Variants in SLC2A13 observed in about 807,000 individuals in gnomAD.
SLC2A13 encodes proton myo-inositol cotransporter.
In SLC2A13, 32 loss-of-function variants were observed where a neutral mutation model predicts 64.4. That is an observed-to-expected ratio of 0.50 (90% confidence interval 0.37 to 0.67). SLC2A13 has a LOEUF of 0.67. SLC2A13 is among the 30% of genes least tolerant of loss of function. The pLI is 0.00. For synonymous variants in SLC2A13, 338 were observed against 327.1 expected (o/e 1.03, Z -0.36); for missense variants, 743 against 829.2 (o/e 0.90, Z 1.28).
chr12:40,098,302 A>C (rs1419150435), intron 1 of SLC2A13, among the ~76,000 whole-genome samples: 1 of 152,160 alleles, frequency 6.6e-6, no homozygotes, highest in Non-Finnish European at 1.5e-5. Flanking sequence ...AATCATAGAA[A>C]CAGAAGGTAG....
At chr12:40,010,581 C>T (rs536338554) in intron 3 of SLC2A13, among the ~76,000 whole-genome samples, 1 of 152,160 alleles carries the variant, frequency 6.6e-6, no homozygotes, top group South Asian at 2.1e-4. Flanking sequence ...ATATAGAATC[C>T]ATCTAATTTT....
intron 3 of SLC2A13, among the ~76,000 whole-genome samples, chr12:39,970,609 T>C (rs1946630236): frequency 6.6e-6 from 1 of 152,216 alleles, no homozygotes; most frequent in South Asian, 2.1e-4. Context: ...CCCAAGTCCT[T>C]AGGTAATTCT....
At chr12:40,088,850 C>CA (rs940762550) in intron 1 of SLC2A13, among the ~76,000 whole-genome samples, 1 of 151,840 alleles carries the variant, frequency 6.6e-6, no homozygotes, top group Non-Finnish European at 1.5e-5. Context: ...TTTTTAACAA[C>CA]AAAAAAATTG....
At chr12:40,010,223 A>G (rs915686575) in intron 3 of SLC2A13, among the ~76,000 whole-genome samples, 3 of 152,238 alleles carry the variant, frequency 2.0e-5, no homozygotes, top group Non-Finnish European at 4.4e-5. Flanking sequence ...AATAAGGAAC[A>G]TTATTCAGAG....
intron 1 of SLC2A13, among the ~76,000 whole-genome samples, chr12:40,089,601 T>C (rs990590270): frequency 6.6e-6 from 1 of 152,188 alleles, no homozygotes; most frequent in Non-Finnish European, 1.5e-5. Context: ...AAGGTCACCC[T>C]GCACCTTACA....
At chr12:39,770,358 G>A (rs1011534860) in intron 7 of SLC2A13, among the ~76,000 whole-genome samples, 1 of 152,056 alleles carries the variant, frequency 6.6e-6, no homozygotes, top group East Asian at 1.9e-4. Context: ...TGACTACAAC[G>A]AAATGACCTC....
intron 6 of SLC2A13, among the ~76,000 whole-genome samples, chr12:39,857,560 C>T (rs767400170): frequency 1.3e-5 from 2 of 152,180 alleles, no homozygotes; most frequent in Non-Finnish European, 2.9e-5. Flanking sequence ...ACCTTTCTCC[C>T]TTCATCACCA....
chr12:39,809,484 C>G (rs1395436987), intron 7 of SLC2A13, among the ~76,000 whole-genome samples: 3 of 152,106 alleles, frequency 2.0e-5, no homozygotes, highest in Non-Finnish European at 4.4e-5. Context: ...TAGAGATCAA[C>G]TTAAAAGGAA....
At chr12:39,990,858 A>G (rs1947124874) in intron 3 of SLC2A13, among the ~76,000 whole-genome samples, 1 of 152,116 alleles carries the variant, frequency 6.6e-6, no homozygotes, top group African/African-American at 2.4e-5. Context: ...ACTCACACAA[A>G]CACATACTCA....
intron 7 of SLC2A13, among the ~76,000 whole-genome samples, chr12:39,782,346 GC>G (rs935182694): frequency 6.6e-5 from 10 of 152,090 alleles, no homozygotes; most frequent in African/African-American, 2.4e-4. Flanking sequence ...CATGGGGGCG[GC>G]CGGTCTTTTC....
At chr12:39,854,022 C>G (rs1472626339) in intron 6 of SLC2A13, among the ~76,000 whole-genome samples, 1 of 151,904 alleles carries the variant, frequency 6.6e-6, no homozygotes, top group Admixed American at 6.6e-5. Context: ...GGGCTTAAAA[C>G]TCTTCTCTTT....
intron 7 of SLC2A13, among the ~76,000 whole-genome samples, chr12:39,792,671 T>C (rs529783807): frequency 5.3e-4 from 81 of 152,238 alleles, no homozygotes; most frequent in Admixed American, 1.0e-3. Flanking sequence ...CAGTTGGCCC[T>C]ACAGATACCA....
At chr12:40,047,190 C>T (rs1032113962) in intron 2 of SLC2A13, among the ~76,000 whole-genome samples, 6 of 152,162 alleles carry the variant, frequency 3.9e-5, no homozygotes, top group Non-Finnish European at 8.8e-5. Flanking sequence ...GCGTGAGCCA[C>T]CACACCCAGT....
chr12:39,829,177 G>T (rs1942776621), intron 7 of SLC2A13, among the ~76,000 whole-genome samples: 1 of 151,730 alleles, frequency 6.6e-6, no homozygotes, highest in Non-Finnish European at 1.5e-5. Context: ...ATAAATGTTA[G>T]TTCATAAATC....
chr12:39,837,326 T>C (rs1396682443), intron 6 of SLC2A13, among the ~76,000 whole-genome samples: 9 of 145,118 alleles, frequency 6.2e-5, no homozygotes, highest in African/African-American at 7.6e-5. Context: ...TTACACCTTA[T>C]ACAAAAATCA....
At chr12:39,767,905 T>G (rs1653469151) in intron 7 of SLC2A13, among the ~76,000 whole-genome samples, 1 of 152,118 alleles carries the variant, frequency 6.6e-6, no homozygotes. Flanking sequence ...TCCATGATTG[T>G]AAGTTTTCTG....
chr12:39,912,665 G>A (rs577732352), intron 4 of SLC2A13, among the ~76,000 whole-genome samples: 17 of 152,152 alleles, frequency 1.1e-4, no homozygotes, highest in African/African-American at 3.6e-4. Context: ...TGAGAAAGCA[G>A]CAGAACCTGT....
At chr12:39,789,481 A>G (rs1592139208) in intron 7 of SLC2A13, among the ~76,000 whole-genome samples, 1 of 152,302 alleles carries the variant, frequency 6.6e-6, no homozygotes, top group Admixed American at 6.5e-5. Flanking sequence ...TTTTAAAATT[A>G]CAAATAATGC....
chr12:40,034,945 T>A (rs1310226450), intron 2 of SLC2A13, among the ~76,000 whole-genome samples: 1 of 152,176 alleles, frequency 6.6e-6, no homozygotes, highest in East Asian at 1.9e-4. Flanking sequence ...TCACTGAGCA[T>A]CATGAATAAA....
Sources: allele counts gnomAD v4.1 joint callset (sites outside exome capture counted in the v4.1 genomes callset), GRCh38; gene constraint gnomAD v4.1.1; transcripts MANE v1.5; gene names NCBI Gene and HGNC (gene_info 2026-07-23, HGNC 2026-07-21).